Variants in CNTN4 observed in about 807,000 individuals in gnomAD.
The protein encoded by CNTN4 is contactin-4.
In CNTN4, 77 loss-of-function variants were observed where a neutral mutation model predicts 122.5. That is an observed-to-expected ratio of 0.63 (90% CI 0.52 to 0.76). CNTN4 has a LOEUF of 0.76. Ranked by LOEUF, CNTN4 falls within the 30% of genes least tolerant of loss-of-function variation. The pLI is 0.00. For synonymous variants in CNTN4, 512 were observed against 447.0 expected (o/e 1.15, Z -1.83); for missense variants, 1,256 against 1,259.1 (o/e 1.00, Z 0.04).
intron 3 of CNTN4, among the ~76,000 whole-genome samples, chr3:2,466,684 A>T (rs1575693867): frequency 6.6e-6 from 1 of 152,096 alleles, no homozygotes; most frequent in Non-Finnish European, 1.5e-5. Flanking sequence ...ATGCATTTTG[A>T]CTATTGTTTT....
chr3:2,282,127 G>C, intron 2 of CNTN4, among the ~76,000 whole-genome samples: 1 of 152,162 alleles, frequency 6.6e-6, no homozygotes, highest in South Asian at 2.1e-4. Context: ...GGAGGTCATT[G>C]ATATAAAATT....
intron 6 of CNTN4, among the ~76,000 whole-genome samples, chr3:2,763,075 A>G (rs945779804): frequency 2.2e-4 from 33 of 151,348 alleles, no homozygotes; most frequent in African/African-American, 7.3e-4. Flanking sequence ...CCAAGTAGCT[A>G]GGACTACAGG....
At chr3:2,658,597 A>T (rs1369414183) in intron 4 of CNTN4, among the ~76,000 whole-genome samples, 1 of 152,214 alleles carries the variant, frequency 6.6e-6, no homozygotes, top group Non-Finnish European at 1.5e-5. Flanking sequence ...GTGAAGAATC[A>T]TCCTTCCCAT....
chr3:2,316,329 T>G (rs2043097645), intron 2 of CNTN4, among the ~76,000 whole-genome samples: 1 of 152,064 alleles, frequency 6.6e-6, no homozygotes, highest in South Asian at 2.1e-4. Context: ...CAAGATGTAT[T>G]TGAGGCATTT....
At chr3:2,153,201 A>C (rs766130466) in intron 2 of CNTN4, among the ~76,000 whole-genome samples, 1 of 152,204 alleles carries the variant, frequency 6.6e-6, no homozygotes, top group Non-Finnish European at 1.5e-5. Flanking sequence ...CGTCATTGGC[A>C]TACCAATGGT....
chr3:3,037,722 C>G, intron 18 of CNTN4: 1 of 309,360 alleles, frequency 3.2e-6, no homozygotes. Context: ...ACACAGCCAC[C>G]ATGGGGTAAT....
intron 14 of CNTN4, among the ~76,000 whole-genome samples, chr3:2,994,733 A>G (rs1312587136): frequency 1.3e-5 from 2 of 152,128 alleles, no homozygotes; most frequent in African/African-American, 4.8e-5. Flanking sequence ...CTTTCCATGC[A>G]TAGCATAATA....
intron 3 of CNTN4, among the ~76,000 whole-genome samples, chr3:2,521,343 T>TCGCCCCCCCCCCCCCCCCCC (rs781282977): frequency 3.9e-5 from 5 of 128,284 alleles, no homozygotes; most frequent in African/African-American, 1.6e-4. Context: ...CCTCTACCCA[T>TCGCCCCCCCCCCCCCCCCCC]CCCCCCCACC....
At chr3:2,236,311 C>CT (rs1299903960) in intron 2 of CNTN4, among the ~76,000 whole-genome samples, 1 of 152,168 alleles carries the variant, frequency 6.6e-6, no homozygotes, top group Non-Finnish European at 1.5e-5. Context: ...CACTGAACCT[C>CT]TCTTACTTTA....
chr3:2,613,287 G>A (rs1170492556), intron 4 of CNTN4, among the ~76,000 whole-genome samples: 2 of 151,966 alleles, frequency 1.3e-5, no homozygotes, highest in Non-Finnish European at 2.9e-5. Context: ...CTTCTCATTA[G>A]CAAAAATGAC....
At chr3:2,699,627 A>G (rs1010202539) in intron 4 of CNTN4, among the ~76,000 whole-genome samples, 3 of 152,138 alleles carry the variant, frequency 2.0e-5, no homozygotes, top group Non-Finnish European at 4.4e-5. Flanking sequence ...TAGTGTCCGA[A>G]TGGCTAGTAC....
chr3:2,758,147 T>C (rs2090423408), intron 6 of CNTN4, among the ~76,000 whole-genome samples: 1 of 152,200 alleles, frequency 6.6e-6, no homozygotes, highest in South Asian at 2.1e-4. Context: ...ATGTATATGT[T>C]GAGGTGAGGG....
intron 3 of CNTN4, among the ~76,000 whole-genome samples, chr3:2,518,222 T>A (rs998135335): frequency 6.6e-6 from 1 of 152,160 alleles, no homozygotes; most frequent in Non-Finnish European, 1.5e-5. Flanking sequence ...AATATGTGTG[T>A]GTGTGTGTGT....
intron 6 of CNTN4, among the ~76,000 whole-genome samples, chr3:2,750,789 G>T (rs191870865): frequency 6.6e-6 from 1 of 152,192 alleles, no homozygotes; most frequent in East Asian, 1.9e-4. Flanking sequence ...TGAAATAATG[G>T]TTGCTGAATG....
chr3:2,864,600 G>A (rs959373777), intron 7 of CNTN4, among the ~76,000 whole-genome samples: 3 of 151,672 alleles, frequency 2.0e-5, no homozygotes, highest in African/African-American at 7.3e-5. Context: ...TTAGCCAAGC[G>A]TCGTGGTGGG....
intron 2 of CNTN4, among the ~76,000 whole-genome samples, chr3:2,158,336 A>G (rs929694420): frequency 6.6e-6 from 1 of 152,186 alleles, no homozygotes; most frequent in Non-Finnish European, 1.5e-5. Flanking sequence ...AACATACCCA[A>G]TGTTTCATAA....
chr3:2,453,129 A>C (rs947908565), intron 3 of CNTN4, among the ~76,000 whole-genome samples: 2 of 152,118 alleles, frequency 1.3e-5, no homozygotes, highest in African/African-American at 4.8e-5. Context: ...ACAGTGACCT[A>C]ATTTGTGGAA....
At chr3:2,186,918 C>G (rs889686322) in intron 2 of CNTN4, among the ~76,000 whole-genome samples, 1 of 152,140 alleles carries the variant, frequency 6.6e-6, no homozygotes, top group African/African-American at 2.4e-5. Flanking sequence ...TTTGCAGAAG[C>G]TCTTTAGTTT....
chr3:2,392,250 G>A (rs1431377090), intron 3 of CNTN4, among the ~76,000 whole-genome samples: 1 of 152,188 alleles, frequency 6.6e-6, no homozygotes, highest in East Asian at 1.9e-4. Flanking sequence ...TCTTCAGGAA[G>A]TCTATAATCA....
Sources: allele counts gnomAD v4.1 joint callset (sites outside exome capture counted in the v4.1 genomes callset), GRCh38; gene constraint gnomAD v4.1.1; transcripts MANE v1.5; gene names NCBI Gene and HGNC (gene_info 2026-07-23, HGNC 2026-07-21).